RPUSD3: variants seen among roughly 807,000 people sequenced by gnomAD.
RPUSD3 encodes mitochondrial mRNA pseudouridine synthase RPUSD3.
A neutral mutation model predicts 35.1 loss-of-function variants in RPUSD3; 36 were observed. The ratio of observed to expected loss-of-function variants is 1.02; its 90% CI spans 0.79 to 1.35. The LOEUF (loss-of-function observed/expected upper bound fraction) is 1.35, where lower values mean the gene tolerates loss of function less well. RPUSD3 is among the 40% of genes most tolerant of loss of function. The probability of loss-of-function intolerance (pLI) is 0.00; values close to 1 mark genes in which losing one functional copy is unlikely to be tolerated. For missense variants in RPUSD3, 486 were observed against 441.9 expected (o/e 1.10, Z -0.89); for synonymous variants, 202 against 187.8 (o/e 1.08, Z -0.62).
At chr3:9,838,708 T>C (rs529157672) in intron 8 of RPUSD3, among the ~76,000 whole-genome samples, 2 of 152,186 alleles carry the variant, frequency 1.3e-5, no homozygotes, top group Non-Finnish European at 2.9e-5. Context: ...CTTAGTGTGT[T>C]AGAGCAGGTA....
chr3:9,841,794 G>A, intron 4 of RPUSD3, 189 bp downstream of exon 4: 1 of 557,074 alleles, frequency 1.8e-6, no homozygotes, highest in Admixed American at 3.3e-5. Flanking sequence ...GCTTTGCCTG[G>A]TATCACACCA....
chr3:9,843,982 G>A (rs1047329102), exon 1 of RPUSD3: 23 of 1,601,092 alleles, frequency 1.4e-5, no homozygotes, highest in Admixed American at 3.4e-5. Context: ...AAACACGGCG[G>A]CCGTCCATCT....
At position 9,842,247 on chromosome 3, in the gene RPUSD3, A is replaced by G; in HGVS notation, c.263-4T>C. The stretch of plus-strand genomic sequence containing the variant: ...TTGTTCAACGTCACTAGAGGTCCTG[A>G]AACATACATCACACGAACATCAGCA... On this transcript the variant is annotated splice_region_variant and splice_polypyrimidine_tract_variant and intron_variant, in intron 2 of 8. Transcript: ENST00000383820. 6.2e-7 allele frequency: 1 copy of G among 1,614,172 alleles called. No homozygotes were observed. The highest frequency in any genetic ancestry group is 8.5e-7 in the Non-Finnish European group (1 of 1,180,020).
exon 9 of RPUSD3, chr3:9,838,121 G>A (rs2125021404): frequency 6.2e-7 from 1 of 1,612,664 alleles, no homozygotes; most frequent in African/African-American, 1.3e-5. Context: ...CTGGGAGAAG[G>A]AGCCGATGTA....
At chr3:9,840,756 G>T in exon 5 of RPUSD3, 1 of 1,614,074 alleles carries the variant, frequency 6.2e-7, no homozygotes, top group South Asian at 1.1e-5. Flanking sequence ...TTCTGGAGGC[G>T]ACTAGCTGTC....
chr3:9,843,742 G>A, intron 1 of RPUSD3, 141 bp from the exon 2 acceptor site: 1 of 1,540,012 alleles, frequency 6.5e-7, no homozygotes, highest in Non-Finnish European at 8.8e-7. Flanking sequence ...ATTCAGGTAC[G>A]ACCGGTCCCA....
Position 9,838,193 on chromosome 3 carries a change from G to GGCTTCATCCAGGACCT in RPUSD3, c.865-2_878dup (p.Leu294GlyfsTer4). On this transcript the variant is annotated stop_gained and frameshift_variant, in exon 9 of 9. Transcript: ENST00000383820. LOFTEE classifies it low-confidence loss of function (END_TRUNC). The stretch of plus-strand genomic sequence containing the variant: ...GGGTCAGGTGGAGGCGTCTGAGGAG[G>GGCTTCATCCAGGACCT]GCTTCATCCAGGACCTGGAGCGGGA... The GGCTTCATCCAGGACCT allele has an allele frequency of 6.2e-7, 1 of 1,612,010 alleles. No individual in the cohort carries two copies. Among genetic ancestry groups the GGCTTCATCCAGGACCT allele is most frequent in the Non-Finnish European group, 8.5e-7 (1 of 1,179,868 alleles).
At chr3:9,842,541 C>G (rs1390078350) in intron 2 of RPUSD3, 1 of 496,622 alleles carries the variant, frequency 2.0e-6, no homozygotes, top group Admixed American at 3.3e-5. Context: ...CTTCCTCCTG[C>G]AGTTCCTCAC....
exon 1 of RPUSD3, chr3:9,843,953 C>T: frequency 6.2e-7 from 1 of 1,609,088 alleles, no homozygotes; most frequent in Non-Finnish European, 8.5e-7. Flanking sequence ...CCGCCGCCAG[C>T]CACTCCAGAA....
intron 3 of RPUSD3, 49 bp from the exon 4 acceptor site, chr3:9,842,131 C>T: frequency 1.2e-6 from 2 of 1,611,948 alleles, no homozygotes; most frequent in African/African-American, 1.3e-5. Context: ...TTCATGCCTT[C>T]ACTTTTCCCT....
chr3:9,843,902 C>T lies in RPUSD3; in HGVS notation c.113G>A (p.Gly38Asp), dbSNP rs773103044. 5.0e-6 allele frequency: 8 copies of T among 1,604,770 alleles called. No homozygotes were observed. The African/African-American group carries it at 6.7e-5, about 13-fold the overall frequency. Residue 38 changes from glycine (G) to aspartate (D), a missense_variant, in exon 1 of 9, where the codon GGC becomes GAC. By Grantham distance (94) the Gly-to-Asp change is moderately conservative. Coordinates refer to ENST00000383820, the Ensembl canonical transcript of RPUSD3. Reference sequence around the variant, plus strand: ...GGTACTTAATCACCGGGCTTCGGTGCCAAAGCCTGCGTCCTCGGGCACTGG... The same window carrying T: ...GGTACTTAATCACCGGGCTTCGGTGTCAAAGCCTGCGTCCTCGGGCACTGG...
chr3:9,842,119 G>T, intron 3 of RPUSD3, 37 bp from the exon 4 acceptor site: 1 of 1,611,766 alleles, frequency 6.2e-7, no homozygotes, highest in Non-Finnish European at 8.5e-7. Flanking sequence ...AGAGGCCAAA[G>T]CTTCATGCCT....
chr3:9,843,471 G>A (rs898765297), exon 2 of RPUSD3: 3 of 1,613,874 alleles, frequency 1.9e-6, no homozygotes, highest in Non-Finnish European at 1.7e-6. Flanking sequence ...TCACCTTTCC[G>A]GTCCACCACG....
chr3:9,840,430 A>C (rs763676987), intron 6 of RPUSD3, 102 bp downstream of exon 6: 5 of 1,599,196 alleles, frequency 3.1e-6, no homozygotes, highest in Non-Finnish European at 4.3e-6. Flanking sequence ...TGCCTGTTTT[A>C]GGGGACAGGA....
chr3:9,842,185 T>A lies in RPUSD3; in HGVS notation c.307+14A>T, dbSNP rs781385659. On this transcript the variant is annotated intron_variant, in intron 3 of 8. Coordinates refer to ENST00000383820, the Ensembl canonical transcript of RPUSD3. The stretch of plus-strand genomic sequence containing the variant: ...CCTTCCGCTGCATTCCCTTCCCACA[T>A]CCCCGGCCCATACCTGTCACTGGTA... 6.2e-7 allele frequency: 1 copy of A among 1,613,938 alleles called. No individual in the cohort carries two copies.
At chr3:9,838,283 G>A in intron 8 of RPUSD3, 76 bp from the exon 9 acceptor site, 1 of 1,467,656 alleles carries the variant, frequency 6.8e-7, no homozygotes, top group Non-Finnish European at 9.4e-7. Flanking sequence ...AGGGAAATGG[G>A]AGTAAGGCGG....
chr3:9,839,385 C>A, intron 7 of RPUSD3: 1 of 510,508 alleles, frequency 2.0e-6, no homozygotes. Context: ...GGGATCCACT[C>A]ATGATGAGAT....
chr3:9,843,875 G>T lies in RPUSD3; in HGVS notation c.125+15C>A. The T allele has an allele frequency of 6.3e-7, 1 of 1,598,366 alleles. No homozygotes were observed. Reference sequence around the variant, plus strand: ...CTAGCCTCCGTCCCGCATGAGAGAGGGGGTACTTAATCACCGGGCTTCGGT... The same window carrying T: ...CTAGCCTCCGTCCCGCATGAGAGAGTGGGTACTTAATCACCGGGCTTCGGT... On this transcript the variant is annotated intron_variant, in intron 1 of 8. Transcript: ENST00000383820.
At chr3:9,838,249 C>T (rs2082052097) in intron 8 of RPUSD3, 42 bp from the exon 9 acceptor site, 2 of 1,602,298 alleles carry the variant, frequency 1.2e-6, no homozygotes, top group Non-Finnish European at 1.7e-6. Context: ...CCACATTTTC[C>T]AAGCAGCTGA....
Sources: gnomAD v4.1 joint callset for allele counts (sites outside exome capture counted in the v4.1 genomes callset) on GRCh38, gnomAD v4.1.1 for gene constraint, MANE v1.5 for transcripts, NCBI Gene and HGNC (gene_info 2026-07-23, HGNC 2026-07-21) for gene names.